The following SYTL5 variants were observed in gnomAD, a reference collection of about 807,000 sequenced individuals.
SYTL5 encodes synaptotagmin-like protein 5.
SYTL5 carries 34 observed loss-of-function variants against 55.9 expected under a neutral mutation model. The ratio of observed to expected loss-of-function variants is 0.61; its 90% CI spans 0.46 to 0.81. SYTL5 has a LOEUF of 0.81. Among genes scored for constraint, SYTL5 ranks in the 30% least tolerant of loss-of-function variants. The probability of loss-of-function intolerance (pLI) is 0.00; values close to 1 mark genes in which losing one functional copy is unlikely to be tolerated. For synonymous variants in SYTL5, 221 were observed against 188.7 expected (o/e 1.17, Z -1.40); for missense variants, 637 against 546.7 (o/e 1.17, Z -1.65).
chrX:38,097,446 A>G (rs2147553082), intron 9 of SYTL5, among the ~76,000 whole-genome samples: 1 of 111,011 alleles, frequency 9.0e-6, no homozygotes, highest in African/African-American at 3.2e-5. Flanking sequence ...TTAAGAATAT[A>G]ATTCCATTCA....
At chrX:37,992,241 G>A in the SYTL5 span, among the ~76,000 whole-genome samples, 1 of 112,810 alleles carries the variant, frequency 8.9e-6, no homozygotes, top group African/African-American at 3.2e-5. Flanking sequence ...CCTGCTCTGT[G>A]CTAAGTTTAA....
chrX:37,976,799 CAA>C, the SYTL5 span, among the ~76,000 whole-genome samples: 86 of 47,139 alleles, frequency 1.8e-3, 1 homozygote, highest in Middle Eastern at 0.013. Context: ...ACTAAAAATA[CAA>C]AAAAAAAAAA....
chrX:37,965,633 C>G, the SYTL5 span, among the ~76,000 whole-genome samples: 1 of 111,858 alleles, frequency 8.9e-6, no homozygotes, highest in African/African-American at 3.2e-5. Context: ...TTGTTCTATA[C>G]TGTTGTTCAA....
intron 13 of SYTL5, among the ~76,000 whole-genome samples, chrX:38,113,856 G>A (rs1602410272): frequency 9.0e-6 from 1 of 111,255 alleles, no homozygotes; most frequent in Non-Finnish European, 1.9e-5. Context: ...AGTCTCCTGG[G>A]GGTGAGCAGA....
chrX:38,067,277 G>T (rs1249971803), intron 3 of SYTL5, among the ~76,000 whole-genome samples: 2 of 110,058 alleles, frequency 1.8e-5, no homozygotes, highest in African/African-American at 6.6e-5. Context: ...TGATATGGAG[G>T]CCCATTTCCT....
Position 38,110,419 on chromosome X carries a change from G to A in SYTL5, c.1533G>A (p.Glu511=). The A allele has an allele frequency of 2.5e-6, 3 of 1,209,224 alleles. No homozygotes were observed. The highest frequency in any genetic ancestry group is 3.4e-6 in the Non-Finnish European group (3 of 894,034). ...GTAATAGCTTCCTCGGGGAAGTAGAGATTCCTTTTGACTCATGGAACTTTG... is the reference window on the plus strand; with the variant it reads ...GTAATAGCTTCCTCGGGGAAGTAGAAATTCCTTTTGACTCATGGAACTTTG... The part of the protein sequence containing the change: ...FGRNSFLGEV[E]IPFDSWNFEN... Residue 511 remains glutamate, a synonymous_variant, in exon 13 of 17, where the codon GAG becomes GAA. Transcript: ENST00000297875.
the SYTL5 span, among the ~76,000 whole-genome samples, chrX:37,993,256 A>C: frequency 1.8e-5 from 2 of 112,308 alleles, no homozygotes; most frequent in African/African-American, 6.5e-5. Flanking sequence ...CAACAACAAC[A>C]AAATACAGAA....
rs1056666576 is a variant in SYTL5, at chrX:38,025,869, T to A, written c.-356-7665T>A. Among the ~76,000 whole-genome samples, 5 of 112,149 alleles carry A rather than the reference T, an allele frequency of 4.5e-5. No individual in the cohort carries two copies. In the East Asian group the frequency reaches 1.4e-3, roughly 31 times the overall value. ...TTGCAGTCCAGATGCTGGTCTTCAGTGCAAAGGCTGAAAAATTTGATTTGG... is the reference window on the plus strand; with the variant it reads ...TTGCAGTCCAGATGCTGGTCTTCAGAGCAAAGGCTGAAAAATTTGATTTGG... On this transcript the variant is annotated intron_variant, in intron 1 of 16. Transcript: ENST00000297875.
chrX:37,919,148 C>T, the SYTL5 span, among the ~76,000 whole-genome samples: 3 of 111,176 alleles, frequency 2.7e-5, no homozygotes, highest in Admixed American at 9.6e-5. Context: ...CTTAGAATCC[C>T]GAGGGGAGGA....
intron 6 of SYTL5, among the ~76,000 whole-genome samples, chrX:38,079,723 T>C (rs1172145853): frequency 8.9e-6 from 1 of 111,799 alleles, no homozygotes; most frequent in Non-Finnish European, 1.9e-5. Context: ...TAAACAATGG[T>C]GCTAGCTCCA....
chrX:38,105,954 A>G (rs1937199887), intron 10 of SYTL5, among the ~76,000 whole-genome samples: 1 of 112,075 alleles, frequency 8.9e-6, no homozygotes, highest in Admixed American at 9.5e-5. Flanking sequence ...GTGGGCTGCT[A>G]CTTTATACAG....
intron 1 of SYTL5, chrX:38,024,016 A>T (rs926055758): frequency 9.1e-6 from 1 of 110,272 alleles, no homozygotes; most frequent in African/African-American, 3.3e-5. Flanking sequence ...GTGAAAATTC[A>T]CAGTGGACAT....
At chrX:38,026,274 G>A (rs200130992) in intron 1 of SYTL5, among the ~76,000 whole-genome samples, 6 of 111,858 alleles carry the variant, frequency 5.4e-5, no homozygotes, top group East Asian at 2.8e-4. Context: ...GTATTTCTCC[G>A]GAAGGACTGC....
the SYTL5 span, among the ~76,000 whole-genome samples, chrX:37,975,958 T>A: frequency 1.8e-5 from 2 of 111,724 alleles, no homozygotes; most frequent in Non-Finnish European, 3.8e-5. Context: ...TAGTAGTGGG[T>A]ACTATATAAA....
chrX:38,077,724 T>C (rs2147440024), intron 6 of SYTL5, among the ~76,000 whole-genome samples: 1 of 112,135 alleles, frequency 8.9e-6, no homozygotes, highest in Non-Finnish European at 1.9e-5. Context: ...ATTAATACTG[T>C]ATTCAGTATT....
the SYTL5 span, among the ~76,000 whole-genome samples, chrX:37,995,000 G>A: frequency 1.6e-3 from 184 of 111,571 alleles, no homozygotes; most frequent in African/African-American, 5.6e-3. Context: ...GCTGAAGCGG[G>A]GGAAGGGGTG....
At chrX:38,016,841 AT>A (rs1321892486) in intron 1 of SYTL5, among the ~76,000 whole-genome samples, 3 of 112,001 alleles carry the variant, frequency 2.7e-5, no homozygotes, top group Non-Finnish European at 5.6e-5. Flanking sequence ...GTATGAAGGC[AT>A]TTCTGCTTAT....
chrX:38,056,440 T>C (rs943304327), intron 3 of SYTL5, among the ~76,000 whole-genome samples: 1 of 111,962 alleles, frequency 8.9e-6, no homozygotes, highest in Non-Finnish European at 1.9e-5. Flanking sequence ...AGTGCAGATA[T>C]CTCTTCAATA....
chrX:38,014,670 T>C (rs1934292625), intron 1 of SYTL5, among the ~76,000 whole-genome samples: 1 of 111,658 alleles, frequency 9.0e-6, no homozygotes, highest in South Asian at 3.8e-4. Flanking sequence ...GCGGGACAAC[T>C]CTAAGCAGGG....
Sources: gnomAD v4.1 joint callset for allele counts (sites outside exome capture counted in the v4.1 genomes callset) on GRCh38, gnomAD v4.1.1 for gene constraint, MANE v1.5 for transcripts, NCBI Gene and HGNC (gene_info 2026-07-23, HGNC 2026-07-21) for gene names.